Variants in STX18 observed in about 807,000 individuals in gnomAD.
STX18 encodes the protein syntaxin 18, also known as syntaxin-18.
Under a neutral mutation model 50.1 loss-of-function variants are expected in STX18, and 40 were observed. The ratio of observed to expected loss-of-function variants is 0.80; its 90% CI spans 0.62 to 1.04. STX18 has a LOEUF of 1.04. Among genes scored for constraint, STX18 ranks in the 50% least tolerant of loss-of-function variants. The pLI, the probability that STX18 is intolerant of heterozygous loss-of-function variation, is 0.00. For synonymous variants in STX18, 158 were observed against 151.8 expected, an observed-to-expected ratio of 1.04 and a Z score of -0.30; for missense variants, 410 against 415.8, an observed-to-expected ratio of 0.99 and a Z score of 0.12.
intron 8 of STX18, among the ~76,000 whole-genome samples, chr4:4,424,469 T>C (rs933193012): frequency 2.6e-5 from 4 of 151,834 alleles, no homozygotes; most frequent in African/African-American, 4.8e-5. Flanking sequence ...GGGCAGACAG[T>C]GAAAGCTAGG....
upstream of STX18, chr4:4,542,063 C>G (rs935655896): frequency 7.7e-6 from 10 of 1,300,830 alleles, no homozygotes; most frequent in Non-Finnish European, 9.0e-6. Flanking sequence ...CTGCCCCACA[C>G]GCCTCCCCCC....
chr4:4,473,911 G>A (rs998230712), intron 1 of STX18, among the ~76,000 whole-genome samples: 3 of 152,186 alleles, frequency 2.0e-5, no homozygotes, highest in South Asian at 4.1e-4. Flanking sequence ...GAAAGCCAAT[G>A]AGTCATCTCA....
rs1480178817 is a variant in STX18 at position 4,419,042 on chromosome 4, T to TAAAG, written c.*988_*991dup. On this transcript the variant is annotated 3_prime_UTR_variant, in exon 11 of 11. Transcript: ENST00000306200. The stretch of plus-strand genomic sequence containing the variant: ...CTTCTGACATTTCACTCTGTGCAAA[T>TAAAG]AAAGAACATGAGGATACCTGTGCTG... The TAAAG allele has an allele frequency of 6.6e-6, 1 of 152,228 alleles. No individual in the cohort carries two copies. The highest frequency in any genetic ancestry group is 1.5e-5 in the Non-Finnish European group (1 of 68,046). The allele number at this position is 152,228 out of a possible 1,614,324, so 9.4% of individuals were successfully genotyped here.
chr4:4,480,974 T>C (rs1438000613), intron 1 of STX18, among the ~76,000 whole-genome samples: 1 of 152,214 alleles, frequency 6.6e-6, no homozygotes, highest in East Asian at 1.9e-4. Context: ...TCTGAAACAC[T>C]GCACTCTAGG....
intron 7 of STX18, among the ~76,000 whole-genome samples, chr4:4,433,127 T>C (rs1303256045): frequency 6.6e-6 from 1 of 152,228 alleles, no homozygotes; most frequent in Admixed American, 6.5e-5. Flanking sequence ...GCTTTAGTTT[T>C]TGTGCGTCAT....
intron 5 of STX18, among the ~76,000 whole-genome samples, chr4:4,446,997 G>A (rs1726444454): frequency 6.6e-6 from 1 of 152,172 alleles, no homozygotes; most frequent in African/African-American, 2.4e-5. Context: ...AAAAATAAAT[G>A]TGTTAAGCAA....
intron 1 of STX18, among the ~76,000 whole-genome samples, chr4:4,473,397 A>C (rs1022722278): frequency 1.4e-5 from 2 of 148,128 alleles, no homozygotes; most frequent in Non-Finnish European, 3.0e-5. Flanking sequence ...AGTTCACGTC[A>C]TTCTCCTGCC....
chr4:4,518,930 A>G (rs1730398723), intron 1 of STX18, among the ~76,000 whole-genome samples: 1 of 152,172 alleles, frequency 6.6e-6, no homozygotes, highest in Admixed American at 6.5e-5. Context: ...CTTTCTCGAA[A>G]AAGGTCTTTC....
Position 4,457,315 on chromosome 4 carries a change from C to T in STX18, c.431-58G>A, listed in dbSNP as rs1039545295. The T allele has an allele frequency of 1.8e-5, 29 of 1,577,860 alleles. No homozygotes were observed. The African/African-American group carries it at 3.2e-4, about 18-fold the overall frequency. ...GCTTAAAACAGCTTCTCAGGCAAAGCCATCATTAAATATAATGAGATACTA... is the reference window on the plus strand; with the variant it reads ...GCTTAAAACAGCTTCTCAGGCAAAGTCATCATTAAATATAATGAGATACTA... On this transcript the variant is annotated intron_variant, in intron 4 of 10. Coordinates refer to ENST00000306200, the MANE Select transcript of STX18 (RefSeq NM_016930.4).
chr4:4,505,183 G>A (rs762491242), intron 1 of STX18, among the ~76,000 whole-genome samples: 1 of 152,112 alleles, frequency 6.6e-6, no homozygotes, highest in African/African-American at 2.4e-5. Context: ...TTACCGTGGG[G>A]TTATGTCCCA....
At chr4:4,423,929 A>C in intron 8 of STX18, 1 of 336,846 alleles carries the variant, frequency 3.0e-6, no homozygotes, top group Non-Finnish European at 5.5e-6. Flanking sequence ...CAGTTACAGA[A>C]AGCAGTCTCC....
At chr4:4,499,473 A>G (rs1729336690) in intron 1 of STX18, 1 of 984,894 alleles carries the variant, frequency 1.0e-6, no homozygotes, top group Non-Finnish European at 1.2e-6. Context: ...GAAAAACAGC[A>G]TTTCATATGC....
intron 1 of STX18, among the ~76,000 whole-genome samples, chr4:4,517,938 C>T (rs1577395058): frequency 6.6e-6 from 1 of 152,164 alleles, no homozygotes; most frequent in East Asian, 1.9e-4. Context: ...CCACGCCTGG[C>T]TAATTTTTGT....
chr4:4,523,757 A>T (rs1730626184), intron 1 of STX18, among the ~76,000 whole-genome samples: 1 of 152,172 alleles, frequency 6.6e-6, no homozygotes, highest in Non-Finnish European at 1.5e-5. Context: ...TGCCGAATCC[A>T]CCAACTGCCA....
chr4:4,458,849 G>C (rs1207081660), intron 3 of STX18, among the ~76,000 whole-genome samples: 1 of 152,068 alleles, frequency 6.6e-6, no homozygotes, highest in Admixed American at 6.6e-5. Flanking sequence ...GTGGAGTTGG[G>C]GTGCAACCTA....
intron 2 of STX18, among the ~76,000 whole-genome samples, chr4:4,468,699 G>C (rs1445317913): frequency 6.6e-6 from 1 of 152,094 alleles, no homozygotes; most frequent in Non-Finnish European, 1.5e-5. Flanking sequence ...AACCACTTTG[G>C]AAAATTGCTT....
intron 1 of STX18, chr4:4,507,771 G>A: frequency 4.2e-6 from 4 of 941,614 alleles, no homozygotes; most frequent in Non-Finnish European, 6.1e-6. Context: ...AATTCCCAGA[G>A]TTTCAATTGT....
At position 4,420,653 on chromosome 4, in the gene STX18, G is replaced by T. The variant is rs1449172537; in HGVS notation, c.912+211C>A. On this transcript the variant is annotated intron_variant, in intron 10 of 10. Transcript: ENST00000306200. This position sits in a 1 kb window ranked among gnomAD's most constrained non-coding sequence, Gnocchi z 4.3. Reference sequence around the variant, plus strand: ...CCCTGGATTGCTCCTTTGGAGGCTGGTGAGCCACTGCCTCTCGAAAGCAGC... The same window carrying T: ...CCCTGGATTGCTCCTTTGGAGGCTGTTGAGCCACTGCCTCTCGAAAGCAGC... 1 of 569,374 alleles carries T rather than the reference G, an allele frequency of 1.8e-6. No individual in the cohort carries two copies. Among genetic ancestry groups the T allele is most frequent in the East Asian group, 3.0e-5 (1 of 33,442 alleles). 35.3% of individuals were successfully genotyped at this position (569,374 alleles called of 1,614,324 possible).
intron 5 of STX18, among the ~76,000 whole-genome samples, chr4:4,447,523 G>A (rs887348049): frequency 4.8e-5 from 7 of 144,356 alleles, no homozygotes; most frequent in Admixed American, 2.1e-4. Context: ...CCCGGGAGGC[G>A]GAGCTTGCAG....
Sources: allele counts gnomAD v4.1 joint callset (sites outside exome capture counted in the v4.1 genomes callset), GRCh38; gene constraint gnomAD v4.1.1; non-coding constraint Gnocchi (gnomAD v3.1); transcripts MANE v1.5; gene names NCBI Gene and HGNC (gene_info 2026-07-23, HGNC 2026-07-21).